RLF: variants seen among roughly 807,000 people sequenced by gnomAD.
RLF encodes RLF zinc finger, also known as zinc finger protein Rlf.
Under a neutral mutation model 162.9 loss-of-function variants are expected in RLF, and 7 were observed. The ratio of observed to expected loss-of-function variants is 0.04; its 90% CI spans 0.02 to 0.08. The LOEUF (loss-of-function observed/expected upper bound fraction) is 0.08. Among genes scored for constraint, RLF ranks in the 10% least tolerant of loss-of-function variants. The pLI, the probability that RLF is intolerant of heterozygous loss-of-function variation, is 1.00. For synonymous variants in RLF, 782 were observed against 791.5 expected (o/e 0.99, Z 0.20); for missense variants, 1,664 against 2,244.7 (o/e 0.74, Z 5.23).
At chr1:40,200,188 A>G (rs1328206284) in intron 4 of RLF, among the ~76,000 whole-genome samples, 1 of 152,230 alleles carries the variant, frequency 6.6e-6, no homozygotes, top group Non-Finnish European at 1.5e-5. Flanking sequence ...CATAATCTCC[A>G]GAGTTGGAGC....
At chr1:40,201,540 G>T (rs572983385) in intron 4 of RLF, among the ~76,000 whole-genome samples, 3 of 150,656 alleles carry the variant, frequency 2.0e-5, no homozygotes, top group Non-Finnish European at 4.4e-5. Flanking sequence ...GCAGGAGAAT[G>T]GCGTGAACCC....
At chr1:40,230,195 G>A (rs1022531344) in intron 6 of RLF, among the ~76,000 whole-genome samples, 7 of 151,474 alleles carry the variant, frequency 4.6e-5, no homozygotes, top group South Asian at 2.1e-4. Context: ...AATAAATTCC[G>A]TTAAATATAT....
At chr1:40,200,867 T>TAC (rs71060356) in intron 4 of RLF, among the ~76,000 whole-genome samples, 486 of 34,838 alleles carry the variant, frequency 0.014, 29 homozygotes, top group East Asian at 0.019. Context: ...ATTGCTACTC[T>TAC]ACACACACAC....
chr1:40,202,157 C>G (rs964753223), intron 4 of RLF, among the ~76,000 whole-genome samples: 2 of 152,142 alleles, frequency 1.3e-5, no homozygotes, highest in African/African-American at 4.8e-5. Context: ...CGTAAGCATT[C>G]AGTTGATAGT....
intron 4 of RLF, among the ~76,000 whole-genome samples, chr1:40,196,172 T>C (rs747749668): frequency 3.0e-4 from 46 of 151,634 alleles, no homozygotes; most frequent in Non-Finnish European, 5.2e-4. Context: ...GCCTCCAGTG[T>C]TGAAGCGATT....
At position 40,220,744 on chromosome 1, in the gene RLF, A is replaced by G. The variant is rs556272313; in HGVS notation, c.811-1830A>G. On this transcript the variant is annotated intron_variant, in intron 5 of 7. Coordinates refer to ENST00000372771, the MANE Select transcript of RLF (RefSeq NM_012421.4). ...ATTTTTCTTACAGGATTTTGTTTAC[A>G]GTGGATTTGGGATATTATTTATAGA... Among the ~76,000 whole-genome samples the G allele has an allele frequency of 3.9e-5, 6 of 152,314 alleles. No homozygotes were observed. The South Asian group carries it at 6.2e-4, about 16-fold the overall frequency.
chr1:40,220,070 C>T (rs1214840326), intron 5 of RLF, among the ~76,000 whole-genome samples: 2 of 152,026 alleles, frequency 1.3e-5, no homozygotes, highest in Non-Finnish European at 2.9e-5. Context: ...CATGGTGAAA[C>T]TAAAAATATA....
chr1:40,183,632 T>A (rs536364241), intron 1 of RLF, among the ~76,000 whole-genome samples: 6 of 152,198 alleles, frequency 3.9e-5, no homozygotes, highest in African/African-American at 1.4e-4. Context: ...AAAGAAAGCG[T>A]GGTGATTAAG....
intron 1 of RLF, among the ~76,000 whole-genome samples, chr1:40,173,758 G>C (rs780017131): frequency 6.6e-6 from 1 of 151,988 alleles, no homozygotes; most frequent in Non-Finnish European, 1.5e-5. Context: ...CAAGTGATCC[G>C]CCCACCTTGG....
intron 4 of RLF, among the ~76,000 whole-genome samples, chr1:40,196,393 C>T (rs1166149572): frequency 6.6e-6 from 1 of 151,682 alleles, no homozygotes; most frequent in African/African-American, 2.4e-5. Context: ...TTTTTATTGG[C>T]TGCAACAACT....
rs368064309 is a variant in RLF, at chr1:40,175,426, G to A, written c.238-13629G>A. 1.7e-3 allele frequency among the ~76,000 whole-genome samples: 259 copies of A among 152,108 alleles called. 9 individuals carry two copies. In the South Asian group the frequency reaches 0.045, roughly 26 times the overall value. On this transcript the variant is annotated intron_variant, in intron 1 of 7. Transcript: ENST00000372771. ...AGCACTTTGGGAGGCCTAGGCAGGC[G>A]GATCATGAGGTCAGGAGTTCGAGAC... is the stretch of plus-strand genomic sequence containing the variant.
chr1:40,195,540 T>C, intron 3 of RLF, 92 bp from the exon 4 acceptor site: 1 of 1,006,124 alleles, frequency 9.9e-7, no homozygotes, highest in Non-Finnish European at 1.4e-6. Context: ...AAATAGGTTC[T>C]TTCAATTCCT....
chr1:40,208,189 G>A (rs1024082871), intron 5 of RLF, among the ~76,000 whole-genome samples: 9 of 152,166 alleles, frequency 5.9e-5, no homozygotes, highest in Admixed American at 3.3e-4. Context: ...CAGAATGCTA[G>A]TCATCTTTGT....
Position 40,239,613 on chromosome 1 carries a change from G to C in RLF, c.4911G>C (p.Gln1637His), listed in dbSNP as rs1427171532. 6.2e-7 allele frequency: 1 copy of C among 1,614,156 alleles called. No homozygotes were observed. The highest frequency in any genetic ancestry group is 1.1e-5 in the South Asian group (1 of 91,078). ...HSPGDSSAPIQNTDCCHSSER... is the reference protein window; with the variant it reads ...HSPGDSSAPIHNTDCCHSSER... Reference sequence around the variant, plus strand: ...CGGGTGACAGTAGTGCACCCATCCAGAACACTGATTGCTGTCATTCAAGTG... The same window carrying C: ...CGGGTGACAGTAGTGCACCCATCCACAACACTGATTGCTGTCATTCAAGTG... Residue 1637 changes from glutamine to histidine, a missense_variant, in exon 8 of 8, where the codon CAG (glutamine) becomes CAC (histidine). Physicochemically the swap from Gln to His is conservative, Grantham distance 24. Transcript: ENST00000372771.
intron 1 of RLF, among the ~76,000 whole-genome samples, chr1:40,172,593 T>G (rs535402493): frequency 1.3e-5 from 2 of 152,290 alleles, no homozygotes; most frequent in East Asian, 3.9e-4. Context: ...GAGACCAGCC[T>G]GGCCAACATG....
intron 6 of RLF, among the ~76,000 whole-genome samples, chr1:40,225,878 CAAAAA>C (rs71577617): frequency 7.4e-4 from 11 of 14,800 alleles, no homozygotes; most frequent in African/African-American, 2.1e-3. Flanking sequence ...GACTCCGTCG[CAAAAA>C]AAAAAAAAAA....
chr1:40,173,564 A>G (rs969621830), intron 1 of RLF, among the ~76,000 whole-genome samples: 8 of 146,678 alleles, frequency 5.5e-5, no homozygotes, highest in Admixed American at 2.7e-4. Context: ...CTTAGGCTGT[A>G]GTGCAGTGTT....
rs1353983411 is a variant in RLF, at chr1:40,223,837, C to T, written c.947+1127C>T. 2.0e-5 allele frequency among the ~76,000 whole-genome samples: 3 copies of T among 152,196 alleles called. No homozygotes were observed. In the East Asian group the frequency reaches 5.8e-4, roughly 29 times the overall value. On this transcript the variant is annotated intron_variant, in intron 6 of 7. Transcript: ENST00000372771. The stretch of plus-strand genomic sequence containing the variant: ...AAGTGGTAGAGCTGAGATTCAAGCC[C>T]AGGTTTTAGACTTCTAATCCAGTGC...
In RLF at chr1:40,237,683, T is replaced by C. The variant is rs147019277; in HGVS notation, c.2981T>C (p.Phe994Ser). 6.0e-4 allele frequency: 967 copies of C among 1,614,172 alleles called. 4 individuals are homozygous for C. Among genetic ancestry groups the C allele is most frequent in the Non-Finnish European group, 7.2e-4 (847 of 1,180,010 alleles). ...KPKKIKTKDL[F>S]PSLGNEHNQT... ...AAAAAGATAAAGACGAAAGATCTGTTTCCCTCTTTGGGTAATGAACATAAT... is the reference window on the plus strand; with the variant it reads ...AAAAAGATAAAGACGAAAGATCTGTCTCCCTCTTTGGGTAATGAACATAAT... The change falls in exon 8 of 8, where the codon TTT becomes TCT. Residue 994 changes from phenylalanine (F) to serine (S), a missense_variant. By Grantham distance (155) the Phe-to-Ser change is radical. Coordinates refer to ENST00000372771, the MANE Select transcript of RLF (RefSeq NM_012421.4). The surrounding 1 kb of genome is among the most constrained non-coding windows in gnomAD (Gnocchi z 4.4).
Sources: allele counts gnomAD v4.1 joint callset (sites outside exome capture counted in the v4.1 genomes callset), GRCh38; gene constraint gnomAD v4.1.1; non-coding constraint Gnocchi (gnomAD v3.1); transcripts MANE v1.5; gene names NCBI Gene and HGNC (gene_info 2026-07-23, HGNC 2026-07-21).